The following C1orf146 variants were observed in gnomAD, a reference collection of about 807,000 sequenced individuals.
The protein encoded by C1orf146 is protein SPO16 homolog.
A neutral mutation model predicts 23.0 loss-of-function variants in C1orf146; 22 were observed. The ratio of observed to expected loss-of-function variants is 0.96; its 90% CI spans 0.68 to 1.36. The LOEUF is 1.36. Among genes scored for constraint, C1orf146 ranks in the 40% most tolerant of loss-of-function variants. The pLI is 0.00. For synonymous variants in C1orf146, 59 were observed against 65.3 expected (o/e 0.90, Z 0.47); for missense variants, 199 against 206.8 (o/e 0.96, Z 0.23).
At chr1:92,243,433 G>A (rs930482454) in intron 3 of C1orf146, among the ~76,000 whole-genome samples, 3 of 150,294 alleles carry the variant, frequency 2.0e-5, no homozygotes, top group Non-Finnish European at 4.4e-5. Flanking sequence ...TGCAAGCTCC[G>A]CCTCCTGGGT....
At chr1:92,232,825 A>G (rs1311333708) in intron 2 of C1orf146, among the ~76,000 whole-genome samples, 2 of 152,008 alleles carry the variant, frequency 1.3e-5, no homozygotes, top group South Asian at 2.1e-4. Context: ...ATGATATCTC[A>G]TAGTGGTTTT....
intron 1 of C1orf146, among the ~76,000 whole-genome samples, chr1:92,228,114 G>A (rs1652014767): frequency 2.0e-5 from 3 of 152,016 alleles, no homozygotes; most frequent in Admixed American, 2.0e-4. Flanking sequence ...ACCTCAGTCT[G>A]GATATTTTCC....
chr1:92,240,901 C>T (rs531739349), intron 2 of C1orf146: 1 of 462,370 alleles, frequency 2.2e-6, no homozygotes, highest in Non-Finnish European at 4.5e-6. Flanking sequence ...ATTTAATTGC[C>T]TGGGTGGAAT....
intron 2 of C1orf146, among the ~76,000 whole-genome samples, chr1:92,234,522 A>G (rs1652223101): frequency 6.6e-6 from 1 of 152,216 alleles, no homozygotes; most frequent in Admixed American, 6.5e-5. Flanking sequence ...CCAGTATTTT[A>G]TTGAGGATTT....
At chr1:92,238,703 G>A (rs559758564) in intron 2 of C1orf146, among the ~76,000 whole-genome samples, 40 of 151,958 alleles carry the variant, frequency 2.6e-4, no homozygotes, top group African/African-American at 9.7e-4. Context: ...ATATTTATGG[G>A]TGCTCATGAT....
At chr1:92,224,887 C>T (rs893530232) in intron 1 of C1orf146, among the ~76,000 whole-genome samples, 3 of 151,960 alleles carry the variant, frequency 2.0e-5, no homozygotes, top group East Asian at 3.9e-4. Context: ...GGACTACAGG[C>T]GCGTGCCACC....
intron 1 of C1orf146, among the ~76,000 whole-genome samples, chr1:92,221,129 C>T (rs542128032): frequency 6.6e-6 from 1 of 152,244 alleles, no homozygotes; most frequent in South Asian, 2.1e-4. Context: ...TGAACATATA[C>T]ATCATAGAAT....
Position 92,230,339 on chromosome 1 carries a change from G to A in C1orf146, c.-39-1043G>A, listed in dbSNP as rs143548987. ...AAAAAAAAAAAAAAATTGGCCAGGC[G>A]CGATGGCTCATGCCTGTAATCCCAG... is the stretch of plus-strand genomic sequence containing the variant. On this transcript the variant is annotated intron_variant, in intron 1 of 5. Transcript: ENST00000370375. Among the ~76,000 whole-genome samples the A allele has an allele frequency of 4.7e-3, 717 of 151,618 alleles. 3 individuals are homozygous for A. Among genetic ancestry groups the A allele is most frequent in the Middle Eastern group, 0.014 (4 of 284 alleles).
In C1orf146 at chr1:92,242,208, A is replaced by G. The variant is rs761445405; in HGVS notation, c.67-4A>G. On this transcript the variant is annotated splice_region_variant and splice_polypyrimidine_tract_variant and intron_variant, in intron 2 of 5. Coordinates refer to ENST00000370375, the MANE Select transcript of C1orf146 (RefSeq NM_001012425.2). ...ATTTGTATTTCTGATATTTTTTAAA[A>G]AAGAGTTATGAAGTTGCAACTGCCC... The G allele has an allele frequency of 1.9e-6, 3 of 1,542,890 alleles. No homozygotes were observed. Among genetic ancestry groups the G allele is most frequent in the Non-Finnish European group, 2.7e-6 (3 of 1,132,064 alleles).
intron 3 of C1orf146, among the ~76,000 whole-genome samples, chr1:92,243,331 G>C (rs1000300100): frequency 6.6e-6 from 1 of 152,064 alleles, no homozygotes; most frequent in African/African-American, 2.4e-5. Context: ...CTCACTGAGT[G>C]TATTAATTTA....
At chr1:92,244,962 C>G (rs879178227) in intron 5 of C1orf146, 105 bp downstream of exon 5, 1 of 662,388 alleles carries the variant, frequency 1.5e-6, no homozygotes, top group Non-Finnish European at 2.6e-6. Context: ...TGCTTCTGTT[C>G]CCCTGCGGGA....
chr1:92,224,787 G>A (rs769375701), intron 1 of C1orf146, among the ~76,000 whole-genome samples: 5 of 151,930 alleles, frequency 3.3e-5, no homozygotes, highest in Middle Eastern at 3.4e-3. Context: ...ACGGAGTCTT[G>A]CTCTGTCACC....
chr1:92,240,893 T>A, intron 2 of C1orf146: 1 of 463,666 alleles, frequency 2.2e-6, no homozygotes. Context: ...GTAATATGAT[T>A]TAATTGCCTG....
intron 1 of C1orf146, among the ~76,000 whole-genome samples, chr1:92,220,287 C>G (rs1260445847): frequency 6.6e-6 from 1 of 152,130 alleles, no homozygotes; most frequent in African/African-American, 2.4e-5. Flanking sequence ...GTTTTAGGCC[C>G]TTTCAGCTAA....
At chr1:92,244,968 C>T (rs570929402) in intron 5 of C1orf146, 111 bp downstream of exon 5, 27 of 626,970 alleles carry the variant, frequency 4.3e-5, no homozygotes, top group African/African-American at 3.1e-4. Flanking sequence ...TGTTCCCCTG[C>T]GGGAGTTGCT....
intron 1 of C1orf146, among the ~76,000 whole-genome samples, chr1:92,227,888 C>T (rs539933373): frequency 1.4e-5 from 2 of 146,486 alleles, no homozygotes; most frequent in Non-Finnish European, 1.5e-5. Context: ...TTAATCTGTT[C>T]AGATTTATTA....
chr1:92,235,269 A>C (rs1294971123), intron 2 of C1orf146, among the ~76,000 whole-genome samples: 2 of 152,058 alleles, frequency 1.3e-5, no homozygotes, highest in Non-Finnish European at 1.5e-5. Context: ...TTCCCTCTAC[A>C]CACTGCTTTG....
chr1:92,228,753 A>C (rs1652030935), intron 1 of C1orf146, among the ~76,000 whole-genome samples: 2 of 152,202 alleles, frequency 1.3e-5, no homozygotes, highest in African/African-American at 4.8e-5. Context: ...AGCCACATGT[A>C]CTAAGGGTTG....
chr1:92,221,371 C>T (rs1009934421), intron 1 of C1orf146, among the ~76,000 whole-genome samples: 1 of 152,144 alleles, frequency 6.6e-6, no homozygotes, highest in Admixed American at 6.5e-5. Context: ...GAAAAACTAC[C>T]TTTTGGGTAC....
Sources: allele counts gnomAD v4.1 joint callset (sites outside exome capture counted in the v4.1 genomes callset), GRCh38; gene constraint gnomAD v4.1.1; transcripts MANE v1.5; gene names NCBI Gene and HGNC (gene_info 2026-07-23, HGNC 2026-07-21).